Variants in ZNF735 observed in about 807,000 individuals in gnomAD.
The protein encoded by ZNF735 is putative zinc finger protein 735.
Under a neutral mutation model 13.4 loss-of-function variants are expected in ZNF735, and 11 were observed. The observed-to-expected ratio is 0.82, with a 90% CI of 0.52 to 1.36. ZNF735 has a LOEUF of 1.36. ZNF735 is among the 40% of genes most tolerant of loss of function. The pLI is 0.00. For synonymous variants in ZNF735, 171 were observed against 162.6 expected (o/e 1.05, Z -0.39); for missense variants, 500 against 484.6 (o/e 1.03, Z -0.30).
exon 2 of ZNF735, chr7:64,213,107 A>G (rs749684455): frequency 6.2e-7 from 1 of 1,612,636 alleles, no homozygotes; most frequent in Middle Eastern, 1.7e-4. Flanking sequence ...GTTGACATTC[A>G]GAGACATAGC....
At chr7:64,217,285 C>T (rs531770361) in intron 3 of ZNF735, among the ~76,000 whole-genome samples, 27 of 152,350 alleles carry the variant, frequency 1.8e-4, no homozygotes, top group African/African-American at 6.0e-4. Context: ...ACTGTAATTG[C>T]AAGCTTCCTC....
intron 1 of ZNF735, among the ~76,000 whole-genome samples, chr7:64,208,844 G>A (rs545262915): frequency 1.3e-5 from 2 of 152,212 alleles, no homozygotes; most frequent in African/African-American, 4.8e-5. Context: ...TCCTGCACTA[G>A]TTTTCTAAAA....
intron 1 of ZNF735, among the ~76,000 whole-genome samples, chr7:64,212,340 C>G (rs550464699): frequency 1.1e-4 from 16 of 152,256 alleles, no homozygotes; most frequent in African/African-American, 3.9e-4. Flanking sequence ...TTCAGAAATT[C>G]AGACTTTATC....
exon 4 of ZNF735, chr7:64,219,998 A>G: frequency 6.2e-7 from 1 of 1,613,484 alleles, no homozygotes; most frequent in Non-Finnish European, 8.5e-7. Context: ...ATTTACCACA[A>G]GAGAATTCAT....
chr7:64,213,328 A>G, intron 2 of ZNF735, 110 bp downstream of exon 2: 1 of 1,133,160 alleles, frequency 8.8e-7, no homozygotes, highest in Non-Finnish European at 1.2e-6. Flanking sequence ...TCCGATTTAA[A>G]GAAAATCTTG....
intron 1 of ZNF735, among the ~76,000 whole-genome samples, chr7:64,212,264 G>T (rs1787369755): frequency 1.3e-5 from 2 of 152,198 alleles, no homozygotes; most frequent in South Asian, 4.1e-4. Context: ...AACCCAGACT[G>T]CCACTTACTG....
chr7:64,210,063 C>T (rs1399511893), intron 1 of ZNF735, among the ~76,000 whole-genome samples: 9 of 151,786 alleles, frequency 5.9e-5, no homozygotes, highest in Non-Finnish European at 8.8e-5. Context: ...GCTCTTAATC[C>T]AAATGCTAAA....
chr7:64,216,770 C>T (rs1787426807), intron 3 of ZNF735, among the ~76,000 whole-genome samples: 1 of 152,088 alleles, frequency 6.6e-6, no homozygotes, highest in Non-Finnish European at 1.5e-5. Flanking sequence ...CCATACCCAG[C>T]TAATTCTCAA....
chr7:64,217,948 ATAAC>A (rs1787441958), intron 3 of ZNF735, among the ~76,000 whole-genome samples: 2 of 152,272 alleles, frequency 1.3e-5, no homozygotes, highest in African/African-American at 2.4e-5. Context: ...ATTTTAAAGA[ATAAC>A]TAAAAATGTT....
exon 4 of ZNF735, chr7:64,219,456 T>G: frequency 6.2e-7 from 1 of 1,613,914 alleles, no homozygotes. Flanking sequence ...TAGATGAGTG[T>G]GAGGTGCACA....
chr7:64,213,296 T>G (rs2116482804), intron 2 of ZNF735, 78 bp downstream of exon 2: 2 of 1,410,904 alleles, frequency 1.4e-6, no homozygotes, highest in Middle Eastern at 1.8e-4. Flanking sequence ...AATTTCTGCT[T>G]TGCATGAATG....
At chr7:64,219,828 T>G (rs1013499249) in exon 4 of ZNF735, 2 of 1,613,042 alleles carry the variant, frequency 1.2e-6, no homozygotes, top group Non-Finnish European at 1.7e-6. Context: ...TTACTAGACA[T>G]AAGAGAATTC....
At chr7:64,217,683 A>G (rs1304304790) in intron 3 of ZNF735, among the ~76,000 whole-genome samples, 1 of 152,036 alleles carries the variant, frequency 6.6e-6, no homozygotes, top group East Asian at 1.9e-4. Context: ...ACTATTATAT[A>G]ATATCAGTCT....
At chr7:64,220,086 A>T in exon 4 of ZNF735, 1 of 1,613,722 alleles carries the variant, frequency 6.2e-7, no homozygotes, top group Non-Finnish European at 8.5e-7. Flanking sequence ...CACATAAGAT[A>T]ATTCATACTG....
At chr7:64,219,445 G>A (rs968677870) in exon 4 of ZNF735, 3 of 1,613,762 alleles carry the variant, frequency 1.9e-6, no homozygotes, top group African/African-American at 2.7e-5. Context: ...TTGTAAAAGA[G>A]TAGATGAGTG....
chr7:64,208,568 C>G (rs1224602187), intron 1 of ZNF735, among the ~76,000 whole-genome samples: 8 of 151,930 alleles, frequency 5.3e-5, no homozygotes, highest in Non-Finnish European at 1.0e-4. Flanking sequence ...AGTTTTTTTT[C>G]TTTTACCTTT....
At chr7:64,210,798 G>A (rs866407907) in intron 1 of ZNF735, among the ~76,000 whole-genome samples, 32 of 152,296 alleles carry the variant, frequency 2.1e-4, no homozygotes, top group African/African-American at 7.5e-4. Context: ...ATGGGTGAAT[G>A]TTTTCTGCAA....
chr7:64,220,194 C>G lies in ZNF735; in HGVS notation c.1143C>G (p.Tyr381Ter). 6.2e-7 allele frequency: 1 copy of G among 1,612,972 alleles called. No homozygotes were observed. The highest frequency in any genetic ancestry group is 8.5e-7 in the Non-Finnish European group (1 of 1,179,558). Residue 381 changes from tyrosine to a stop codon, truncating the protein, a stop_gained, in exon 4 of 4, where the codon TAC becomes TAG. Transcript: ENST00000429565. LOFTEE classifies it low-confidence loss of function (END_TRUNC). ...GAATTCATACTGGAGAGAAACCATA[C>G]AAATGTGAAGAATGTGACAAAGCTT... is the stretch of plus-strand genomic sequence containing the variant.
chr7:64,216,914 T>G (rs1424764345), intron 3 of ZNF735, among the ~76,000 whole-genome samples: 1 of 152,166 alleles, frequency 6.6e-6, no homozygotes, highest in Non-Finnish European at 1.5e-5. Context: ...CTGATCTTTT[T>G]AAATTTACTA....
Sources: gnomAD v4.1 joint callset for allele counts (sites outside exome capture counted in the v4.1 genomes callset) on GRCh38, gnomAD v4.1.1 for gene constraint, MANE v1.5 for transcripts, NCBI Gene and HGNC (gene_info 2026-07-23, HGNC 2026-07-21) for gene names.